Variants in CNTN3 observed in about 807,000 individuals in gnomAD.
CNTN3 encodes the protein contactin 3.
CNTN3 carries 60 observed loss-of-function variants against 119.1 expected under a neutral mutation model. The ratio of observed to expected loss-of-function variants is 0.50; its 90% CI spans 0.41 to 0.62. The LOEUF is 0.62. CNTN3 is among the 20% of genes least tolerant of loss of function. CNTN3 has a pLI of 0.00. For missense variants in CNTN3, 1,101 were observed against 1,242.4 expected, an observed-to-expected ratio of 0.89 and a Z score of 1.71; for synonymous variants, 450 against 438.7, an observed-to-expected ratio of 1.03 and a Z score of -0.32.
chr3:74,397,398 G>A (rs1165476374), intron 5 of CNTN3, among the ~76,000 whole-genome samples: 1 of 151,960 alleles, frequency 6.6e-6, no homozygotes, highest in Non-Finnish European at 1.5e-5. Context: ...CTATTCTGCA[G>A]CCCGTGTTAC....
At chr3:74,311,102 C>A (rs1702674566) in intron 13 of CNTN3, among the ~76,000 whole-genome samples, 1 of 152,158 alleles carries the variant, frequency 6.6e-6, no homozygotes, top group Non-Finnish European at 1.5e-5. Context: ...CTGGACTAGA[C>A]ACCCTTCAAT....
In CNTN3 at chr3:74,499,723, C is replaced by T; in HGVS notation, c.118G>A (p.Gly40Ser). 6.2e-7 allele frequency: 1 copy of T among 1,611,370 alleles called. No homozygotes were observed. Among genetic ancestry groups the T allele is most frequent in the Non-Finnish European group, 8.5e-7 (1 of 1,178,394 alleles). The change falls in exon 3 of 23, where the codon GGT becomes AGT. Residue 40 changes from glycine (G) to serine (S), a missense_variant. Coordinates refer to ENST00000263665, the MANE Select transcript of CNTN3 (RefSeq NM_020872.3). ...AAAGTTATTTTTTTATCTTCTGAACCAACAGGGAAAATGCTGTTGCTGGGT... is the reference window on the plus strand; with the variant it reads ...AAAGTTATTTTTTTATCTTCTGAACTAACAGGGAAAATGCTGTTGCTGGGT... ...KEPSNSIFPVGSEDKKITLHC... is the reference protein window; with the variant it reads ...KEPSNSIFPVSSEDKKITLHC...
intron 1 of CNTN3, among the ~76,000 whole-genome samples, chr3:74,546,358 T>A (rs113508313): frequency 6.6e-6 from 1 of 152,130 alleles, no homozygotes; most frequent in African/African-American, 2.4e-5. Flanking sequence ...CTTGATTGGA[T>A]TGAATGATGC....
chr3:74,413,500 C>A (rs1701471319), intron 5 of CNTN3, among the ~76,000 whole-genome samples: 1 of 152,170 alleles, frequency 6.6e-6, no homozygotes, highest in African/African-American at 2.4e-5. Flanking sequence ...ATGGGAAATG[C>A]ATGTGCCAAA....
intron 4 of CNTN3, among the ~76,000 whole-genome samples, chr3:74,471,683 A>G (rs933948735): frequency 6.6e-6 from 1 of 152,158 alleles, no homozygotes; most frequent in Middle Eastern, 3.2e-3. Context: ...TGTTGGCTAC[A>G]CTGAAATACA....
chr3:74,506,789 T>C (rs1454219155), intron 2 of CNTN3, among the ~76,000 whole-genome samples: 1 of 151,996 alleles, frequency 6.6e-6, no homozygotes, highest in African/African-American at 2.4e-5. Context: ...ATACTTATTG[T>C]ACATTTTTGA....
At chr3:74,536,106 C>G (rs1041510016) in intron 1 of CNTN3, among the ~76,000 whole-genome samples, 1 of 152,066 alleles carries the variant, frequency 6.6e-6, no homozygotes, top group Non-Finnish European at 1.5e-5. Flanking sequence ...CAGAAAAAGA[C>G]ATCTCTGTTA....
chr3:74,286,281 C>G, intron 19 of CNTN3, among the ~76,000 whole-genome samples: 1 of 151,984 alleles, frequency 6.6e-6, no homozygotes, highest in South Asian at 2.1e-4. Context: ...TCAGCAGACC[C>G]AACCAGTGGA....
intron 13 of CNTN3, among the ~76,000 whole-genome samples, chr3:74,330,963 C>T (rs1479484170): frequency 6.6e-6 from 1 of 151,948 alleles, no homozygotes; most frequent in Non-Finnish European, 1.5e-5. Context: ...ACAAAACAGT[C>T]AAAAAGTCTA....
intron 6 of CNTN3, among the ~76,000 whole-genome samples, chr3:74,370,940 G>A (rs1351010287): frequency 1.3e-5 from 2 of 151,982 alleles, no homozygotes; most frequent in African/African-American, 2.4e-5. Context: ...AATTCTTAAT[G>A]ATTTTTGAAA....
At chr3:74,378,476 CTT>C (rs1559571843) in intron 5 of CNTN3, among the ~76,000 whole-genome samples, 1 of 152,168 alleles carries the variant, frequency 6.6e-6, no homozygotes, top group Non-Finnish European at 1.5e-5. Flanking sequence ...CCAAGTCTGA[CTT>C]GCGAGGGTCC....
At chr3:74,614,357 G>A (rs112285446) in intron 1 of CNTN3, among the ~76,000 whole-genome samples, 34 bp downstream of exon 1, 2 of 151,896 alleles carry the variant, frequency 1.3e-5, no homozygotes, top group Non-Finnish European at 2.9e-5. Flanking sequence ...CCTGTGGCCC[G>A]GCCGGCGCCA....
chr3:74,478,827 C>T (rs1352208682), intron 4 of CNTN3, among the ~76,000 whole-genome samples: 1 of 151,994 alleles, frequency 6.6e-6, no homozygotes, highest in Non-Finnish European at 1.5e-5. Flanking sequence ...CTGGATAAAA[C>T]AGTTCATATG....
intron 1 of CNTN3, among the ~76,000 whole-genome samples, chr3:74,555,956 A>C (rs1378289919): frequency 6.6e-6 from 1 of 152,116 alleles, no homozygotes; most frequent in East Asian, 1.9e-4. Flanking sequence ...AATTAACAAT[A>C]CGGTGTCTAT....
At chr3:74,581,705 A>G (rs1287361230) in intron 1 of CNTN3, among the ~76,000 whole-genome samples, 2 of 152,230 alleles carry the variant, frequency 1.3e-5, no homozygotes, top group African/African-American at 4.8e-5. Flanking sequence ...GACTTACACT[A>G]ACTGATTTCT....
intron 11 of CNTN3, among the ~76,000 whole-genome samples, chr3:74,361,272 C>G (rs972689913): frequency 6.6e-6 from 1 of 152,086 alleles, no homozygotes; most frequent in African/African-American, 2.4e-5. Context: ...TAGGTGTGAA[C>G]TATTATCACT....
rs1195086381 is a variant in CNTN3 at position 74,334,907 on chromosome 3, G to T, written c.1496C>A (p.Pro499Gln). ...NGTTHLVVTE[P>Q]TRITLAPSNM... ...AGATGGTGCCAAAGTTATTCTTGTTGGTTCTATTGGGGAAATAATTTTTCA... is the reference window on the plus strand; with the variant it reads ...AGATGGTGCCAAAGTTATTCTTGTTTGTTCTATTGGGGAAATAATTTTTCA... Residue 499 changes from proline (P) to glutamine (Q), a missense_variant, in exon 13 of 23, where the codon CCA (proline) becomes CAA (glutamine). Pro to Gln is a moderately conservative substitution (Grantham distance 76). Coordinates refer to ENST00000263665, the MANE Select transcript of CNTN3 (RefSeq NM_020872.3). The T allele has an allele frequency of 1.2e-6, 2 of 1,603,966 alleles. No individual in the cohort carries two copies. Among genetic ancestry groups the T allele is most frequent in the East Asian group, 2.2e-5 (1 of 44,790 alleles).
intron 4 of CNTN3, among the ~76,000 whole-genome samples, chr3:74,450,239 C>T (rs901525652): frequency 8.6e-5 from 13 of 151,752 alleles, no homozygotes; most frequent in Non-Finnish European, 1.6e-4. Flanking sequence ...AAAGTCGAAA[C>T]AAAACAAATT....
intron 1 of CNTN3, among the ~76,000 whole-genome samples, chr3:74,579,953 AAT>A (rs888223220): frequency 6.6e-6 from 1 of 152,182 alleles, no homozygotes; most frequent in East Asian, 1.9e-4. Context: ...TGTTTCTTTG[AAT>A]ATATATATAA....
Sources: allele counts gnomAD v4.1 joint callset (sites outside exome capture counted in the v4.1 genomes callset), GRCh38; gene constraint gnomAD v4.1.1; transcripts MANE v1.5; gene names NCBI Gene and HGNC (gene_info 2026-07-23, HGNC 2026-07-21).